NECTIN1: variants seen among roughly 807,000 people sequenced by gnomAD.
NECTIN1 encodes the protein nectin cell adhesion molecule 1.
NECTIN1 carries 23 observed loss-of-function variants against 48.0 expected under a neutral mutation model. The ratio of observed to expected loss-of-function variants is 0.48; its 90% confidence interval spans 0.34 to 0.68. The LOEUF (loss-of-function observed/expected upper bound fraction) is 0.68. Among genes scored for constraint, NECTIN1 ranks in the 30% least tolerant of loss-of-function variants. The pLI, the probability that NECTIN1 is intolerant of heterozygous loss-of-function variation, is 0.01. For missense variants in NECTIN1, 591 were observed against 709.9 expected (o/e 0.83, Z 1.90); for synonymous variants, 270 against 288.9 (o/e 0.93, Z 0.66).
At chr11:119,714,704 C>T (rs936783300) in intron 1 of NECTIN1, among the ~76,000 whole-genome samples, 37 of 144,440 alleles carry the variant, frequency 2.6e-4, no homozygotes, top group Non-Finnish European at 4.2e-4. Context: ...TGGAGATAAG[C>T]GGATCTTTCA....
intron 5 of NECTIN1, among the ~76,000 whole-genome samples, chr11:119,650,284 C>G (rs898097074): frequency 1.3e-5 from 2 of 152,208 alleles, no homozygotes; most frequent in Non-Finnish European, 2.9e-5. Flanking sequence ...GATGGCTTAG[C>G]CTGGGCTCAG....
At chr11:119,710,213 C>A (rs1865617086) in intron 1 of NECTIN1, among the ~76,000 whole-genome samples, 1 of 152,372 alleles carries the variant, frequency 6.6e-6, no homozygotes, top group Middle Eastern at 3.4e-3. Flanking sequence ...ACATGTGCAG[C>A]TGAACGCTGC....
At chr11:119,648,277 A>C (rs141168419) in intron 5 of NECTIN1, among the ~76,000 whole-genome samples, 1 of 25,010 alleles carries the variant, frequency 4.0e-5, no homozygotes, top group Non-Finnish European at 6.7e-5. Context: ...GGTGGTGGTG[A>C]TGGTGGTGGT....
chr11:119,705,977 G>A (rs1311192373), intron 1 of NECTIN1, among the ~76,000 whole-genome samples: 3 of 152,224 alleles, frequency 2.0e-5, no homozygotes, highest in Non-Finnish European at 4.4e-5. Context: ...CGGGGCAGGG[G>A]TGAAGAAGAA....
chr11:119,659,817 C>G (rs1425138684), downstream of NECTIN1, among the ~76,000 whole-genome samples: 1 of 152,246 alleles, frequency 6.6e-6, no homozygotes, highest in Non-Finnish European at 1.5e-5. Flanking sequence ...GTCCACTGCT[C>G]TCTTCCAATG....
At chr11:119,667,616 T>C (rs1864796620) in intron 5 of NECTIN1, among the ~76,000 whole-genome samples, 1 of 152,212 alleles carries the variant, frequency 6.6e-6, no homozygotes, top group Admixed American at 6.5e-5. Flanking sequence ...TTCTGAAACA[T>C]GTCCCTTGCC....
intron 1 of NECTIN1, among the ~76,000 whole-genome samples, chr11:119,693,067 A>G (rs1805072919): frequency 6.6e-6 from 1 of 152,170 alleles, no homozygotes; most frequent in Non-Finnish European, 1.5e-5. Context: ...CCCCAGGACT[A>G]CAGGGGCTAG....
At chr11:119,645,003 G>C (rs1591436587) in intron 5 of NECTIN1, among the ~76,000 whole-genome samples, 2 of 152,164 alleles carry the variant, frequency 1.3e-5, no homozygotes, top group Non-Finnish European at 2.9e-5. Flanking sequence ...GGCTGTCCTG[G>C]AGTCACCTCC....
At chr11:119,653,444 C>T (rs1041109522) in intron 5 of NECTIN1, among the ~76,000 whole-genome samples, 7 of 152,310 alleles carry the variant, frequency 4.6e-5, no homozygotes, top group Admixed American at 1.3e-4. Context: ...GGTGGCCCGG[C>T]GCGGGGATCC....
At chr11:119,643,252 A>G (rs1301313891) in intron 5 of NECTIN1, among the ~76,000 whole-genome samples, 1 of 152,344 alleles carries the variant, frequency 6.6e-6, no homozygotes, top group Non-Finnish European at 1.5e-5. Context: ...ATGTGGGGAC[A>G]AGAAAAGGGA....
At chr11:119,702,815 C>T (rs1283785203) in intron 1 of NECTIN1, among the ~76,000 whole-genome samples, 2 of 152,246 alleles carry the variant, frequency 1.3e-5, no homozygotes, top group Non-Finnish European at 2.9e-5. Flanking sequence ...GCTTTTGGCG[C>T]TGTGGCCCCC....
chr11:119,680,458 G>C lies in NECTIN1; in HGVS notation c.80-1693C>G, dbSNP rs76933463. ...AAGGGAGTCTGGGATCCAAGAGTGG[G>C]AATTTGGGGCTTATGCTCACTCACC... On this transcript the variant is annotated intron_variant, in intron 1 of 5. Coordinates refer to ENST00000264025, the MANE Select transcript of NECTIN1 (RefSeq NM_002855.5). Among the ~76,000 whole-genome samples the C allele has an allele frequency of 1.2e-3, 178 of 152,320 alleles. 1 individual carries two copies. In the East Asian group the frequency reaches 0.024, roughly 21 times the overall value.
Position 119,664,786 on chromosome 11 carries a change from G to C in NECTIN1, c.1515C>G (p.Asn505Lys), listed in dbSNP as rs765697820. The C allele has an allele frequency of 6.2e-7, 1 of 1,613,006 alleles. No individual in the cohort carries two copies. Among genetic ancestry groups the C allele is most frequent in the Admixed American group, 1.7e-5 (1 of 59,920 alleles). Residue 505 changes from asparagine to lysine, a missense_variant, in exon 6 of 6, where the codon AAC becomes AAG. Asn to Lys is a moderately conservative substitution (Grantham distance 94, BLOSUM62 0). Coordinates refer to ENST00000264025, the MANE Select transcript of NECTIN1 (RefSeq NM_002855.5). ...CCTTCTTGGAAATGAAAGACCCGTC[G>C]TTCTGAGAAACCATGTTCTCAGCCA... ...LDLAENMVSQ[N>K]DGSFISKKEW...
In NECTIN1 at chr11:119,678,843, C is replaced by T. The variant is rs542876928; in HGVS notation, c.80-78G>A. On this transcript the variant is annotated intron_variant, in intron 1 of 5. Transcript: ENST00000264025. This position sits in a 1 kb window ranked among gnomAD's most constrained non-coding sequence, Gnocchi z 4.4. ...CCCACACAGTTCCCTGTGCTCTGGC[C>T]TTGTCTTTTATAGCAGTCATTATTG... is the stretch of plus-strand genomic sequence containing the variant. 32 of 976,430 alleles carry T rather than the reference C, an allele frequency of 3.3e-5. No individual in the cohort carries two copies. The highest frequency in any genetic ancestry group is 2.4e-4 in the African/African-American group (15 of 62,042). 60.5% of individuals were successfully genotyped at this position (976,430 alleles called of 1,614,324 possible). A position where few individuals can be genotyped will look rare whatever the true frequency, so the allele number is the denominator to read the frequency against.
chr11:119,662,237 C>G lies in NECTIN1; in HGVS notation c.*2510G>C. ...TCTGCTGGGCTAGACCTCCCTTTTG[C>G]CAGCTGGCTGTGTCTGTGGGCCCAG... On this transcript the variant is annotated 3_prime_UTR_variant, in exon 6 of 6. Transcript: ENST00000264025. This position sits in a 1 kb window ranked among gnomAD's most constrained non-coding sequence, Gnocchi z 5.3. 1 of 985,548 alleles carries G rather than the reference C, an allele frequency of 1.0e-6. No individual in the cohort carries two copies. Among genetic ancestry groups the G allele is most frequent in the East Asian group, 1.1e-4 (1 of 8,798 alleles). 61.1% of individuals were successfully genotyped at this position (985,548 alleles called of 1,614,324 possible).
At position 119,665,249 on chromosome 11, in the gene NECTIN1, G is replaced by T. The variant is rs748315490; in HGVS notation, c.1052C>A (p.Pro351Gln). The change falls in exon 6 of 6, where the codon CCG (proline) becomes CAG (glutamine). Residue 351 changes from proline (P) to glutamine (Q), a missense_variant. Physicochemically the swap from Pro to Gln is moderately conservative, Grantham distance 76 (BLOSUM62 -1). Transcript: ENST00000264025. This position sits in a 1 kb window ranked among gnomAD's most constrained non-coding sequence, Gnocchi z 5.1. ...GCCCCCAATGATGGCCGTGGGCACC[G>T]GCCCGGCGCGCCGCCCATGTTCGGG... ...SPPEHGRRAG[P>Q]VPTAIIGGVA... The T allele has an allele frequency of 6.3e-7, 1 of 1,598,778 alleles. No individual in the cohort carries two copies. Among genetic ancestry groups the T allele is most frequent in the Admixed American group, 1.7e-5 (1 of 59,862 alleles).
At chr11:119,667,880 A>G (rs1172801660) in intron 5 of NECTIN1, among the ~76,000 whole-genome samples, 1 of 152,196 alleles carries the variant, frequency 6.6e-6, no homozygotes, top group African/African-American at 2.4e-5. Context: ...AGCATCTCCC[A>G]AACTGTGGCC....
At position 119,662,859 on chromosome 11, in the gene NECTIN1, G is replaced by A. The variant is rs1334947964; in HGVS notation, c.*1888C>T. 16 of 985,882 alleles carry A rather than the reference G, an allele frequency of 1.6e-5. No individual in the cohort carries two copies. Among genetic ancestry groups the A allele is most frequent in the Admixed American group, 6.1e-5 (1 of 16,276 alleles). 61.1% of individuals were successfully genotyped at this position (985,882 alleles called of 1,614,324 possible). A position where few individuals can be genotyped will look rare whatever the true frequency, so the allele number is the denominator to read the frequency against. On this transcript the variant is annotated 3_prime_UTR_variant, in exon 6 of 6. Coordinates refer to ENST00000264025, the MANE Select transcript of NECTIN1 (RefSeq NM_002855.5). The surrounding 1 kb of genome is among the most constrained non-coding windows in gnomAD (Gnocchi z 5.3). ...CCCCAAATGTGTAGAGGGGAGAGCCGCACCAGGGCTGGCATGGCTTCAGAC... is the reference window on the plus strand; with the variant it reads ...CCCCAAATGTGTAGAGGGGAGAGCCACACCAGGGCTGGCATGGCTTCAGAC...
At chr11:119,690,696 A>G (rs575707476) in intron 1 of NECTIN1, among the ~76,000 whole-genome samples, 124 of 152,158 alleles carry the variant, frequency 8.1e-4, no homozygotes, top group Non-Finnish European at 1.3e-3. Context: ...CCCAAACCCC[A>G]CAGAGGGGAG....
Sources: gnomAD v4.1 joint callset for allele counts (sites outside exome capture counted in the v4.1 genomes callset) on GRCh38, gnomAD v4.1.1 for gene constraint, Gnocchi (gnomAD v3.1) non-coding constraint, MANE v1.5 for transcripts, NCBI Gene and HGNC (gene_info 2026-07-23, HGNC 2026-07-21) for gene names.